The following SHISA6 variants were observed in gnomAD, a reference collection of about 807,000 sequenced individuals.
SHISA6 encodes shisa family member 6, also known as protein shisa-6.
A neutral mutation model predicts 47.9 loss-of-function variants in SHISA6; 22 were observed. The ratio of observed to expected loss-of-function variants is 0.46; its 90% confidence interval spans 0.33 to 0.66. The LOEUF is 0.66. Among genes scored for constraint, SHISA6 ranks in the 30% least tolerant of loss-of-function variants. SHISA6 has a pLI of 0.02. For synonymous variants in SHISA6, 388 were observed against 337.8 expected, an observed-to-expected ratio of 1.15 and a Z score of -1.63; for missense variants, 680 against 764.6, an observed-to-expected ratio of 0.89 and a Z score of 1.30.
chr17:11,423,414 G>A (rs1356868767), intron 3 of SHISA6, among the ~76,000 whole-genome samples: 5 of 151,514 alleles, frequency 3.3e-5, no homozygotes, highest in African/African-American at 1.2e-4. Context: ...AAGAGCTCTC[G>A]CTAACTGCAA....
chr17:11,250,502 T>C (rs552044102), intron 1 of SHISA6, among the ~76,000 whole-genome samples: 1 of 152,304 alleles, frequency 6.6e-6, no homozygotes, highest in African/African-American at 2.4e-5. Flanking sequence ...TGGGGCAGGC[T>C]GAGTGTAAAG....
intron 3 of SHISA6, among the ~76,000 whole-genome samples, chr17:11,517,904 TA>T (rs2071598872): frequency 6.6e-6 from 1 of 152,078 alleles, no homozygotes; most frequent in Non-Finnish European, 1.5e-5. Flanking sequence ...CACTCATTTG[TA>T]GGGTAGAGCT....
chr17:11,496,025 C>T (rs1422566811), intron 3 of SHISA6, among the ~76,000 whole-genome samples: 2 of 152,052 alleles, frequency 1.3e-5, no homozygotes, highest in Non-Finnish European at 2.9e-5. Context: ...ATCCATCCAT[C>T]CATCCATCAC....
intron 3 of SHISA6, among the ~76,000 whole-genome samples, chr17:11,448,151 G>C (rs1915285459): frequency 6.6e-6 from 1 of 152,162 alleles, no homozygotes; most frequent in Non-Finnish European, 1.5e-5. Context: ...TAACATCTAT[G>C]GAGTATCTCC....
intron 2 of SHISA6, among the ~76,000 whole-genome samples, chr17:11,278,117 C>T (rs1013849243): frequency 1.3e-5 from 2 of 152,200 alleles, no homozygotes; most frequent in African/African-American, 4.8e-5. Flanking sequence ...GCTGCTGTGG[C>T]TGTCCTCTGT....
chr17:11,270,917 T>C lies in SHISA6; in HGVS notation c.799+7391T>C, dbSNP rs1908619759. Among the ~76,000 whole-genome samples, 3 of 152,190 alleles carry C rather than the reference T, an allele frequency of 2.0e-5. No individual in the cohort carries two copies. The South Asian group carries it at 6.2e-4, about 32-fold the overall frequency. ...TGTCAGGTCCCATTCCCCTCTTTCCTTCCCTGAGGCTGTAGCCAAGGTATT... is the reference window on the plus strand; with the variant it reads ...TGTCAGGTCCCATTCCCCTCTTTCCCTCCCTGAGGCTGTAGCCAAGGTATT... On this transcript the variant is annotated intron_variant, in intron 2 of 5. Coordinates refer to ENST00000441885, the MANE Select transcript of SHISA6 (RefSeq NM_207386.4).
chr17:11,375,185 T>C (rs1293384520), intron 2 of SHISA6, among the ~76,000 whole-genome samples: 2 of 152,188 alleles, frequency 1.3e-5, no homozygotes, highest in Non-Finnish European at 2.9e-5. Flanking sequence ...ACTAAAGTCT[T>C]CCAATCTGTT....
At chr17:11,388,790 TTATATATATATATATATATATATATATA>T (rs56048344) in intron 3 of SHISA6, among the ~76,000 whole-genome samples, 58 of 50,022 alleles carry the variant, frequency 1.2e-3, no homozygotes, top group African/African-American at 2.2e-3. Context: ...AAACAAAAGT[TTATATATATATATATATATATATATATA>T]TATATATATA....
At chr17:11,533,027 G>A (rs1341102235) in intron 3 of SHISA6, among the ~76,000 whole-genome samples, 1 of 152,144 alleles carries the variant, frequency 6.6e-6, no homozygotes, top group African/African-American at 2.4e-5. Context: ...TTGCTGCTGA[G>A]CTGTGCCTGT....
chr17:11,513,721 T>A (rs1246515071), intron 3 of SHISA6, among the ~76,000 whole-genome samples: 1 of 152,194 alleles, frequency 6.6e-6, no homozygotes, highest in African/African-American at 2.4e-5. Flanking sequence ...TCTGAACTCA[T>A]TCCCTTCACA....
At chr17:11,520,902 A>G (rs1452379546) in intron 3 of SHISA6, among the ~76,000 whole-genome samples, 2 of 152,318 alleles carry the variant, frequency 1.3e-5, no homozygotes, top group East Asian at 1.9e-4. Flanking sequence ...ATTATTGCCT[A>G]TCTCTTCCAA....
At chr17:11,438,571 A>G (rs976173219) in intron 3 of SHISA6, among the ~76,000 whole-genome samples, 10 of 152,140 alleles carry the variant, frequency 6.6e-5, no homozygotes, top group Non-Finnish European at 1.3e-4. Flanking sequence ...GAAAGAGAGC[A>G]CACCAGCTCT....
chr17:11,339,208 CT>C (rs1377651523), intron 2 of SHISA6, among the ~76,000 whole-genome samples: 2 of 151,302 alleles, frequency 1.3e-5, no homozygotes, highest in African/African-American at 2.4e-5. Context: ...TAAATTGCCC[CT>C]GGCCTGTTAT....
At chr17:11,354,756 T>C (rs1365193486) in intron 2 of SHISA6, among the ~76,000 whole-genome samples, 3 of 152,038 alleles carry the variant, frequency 2.0e-5, no homozygotes, top group Non-Finnish European at 4.4e-5. Flanking sequence ...CCCCACCCCC[T>C]ATCCTCAGTC....
At chr17:11,414,043 T>C (rs1454050993) in intron 3 of SHISA6, among the ~76,000 whole-genome samples, 1 of 151,712 alleles carries the variant, frequency 6.6e-6, no homozygotes, top group Non-Finnish European at 1.5e-5. Context: ...TTCTCCTCTC[T>C]CCTTCTCCTC....
chr17:11,285,252 C>G (rs1909254736), intron 2 of SHISA6, among the ~76,000 whole-genome samples: 1 of 152,198 alleles, frequency 6.6e-6, no homozygotes, highest in Non-Finnish European at 1.5e-5. Flanking sequence ...ATTAGGTTTG[C>G]ACATCCCATT....
intron 3 of SHISA6, among the ~76,000 whole-genome samples, chr17:11,491,770 G>GT (rs1297841489): frequency 0.035 from 4,684 of 135,124 alleles, 327 homozygotes; most frequent in African/African-American, 0.12. Flanking sequence ...CTGGTGAAGT[G>GT]TTTTTTTTTT....
At chr17:11,508,703 T>G (rs1278934890) in intron 3 of SHISA6, among the ~76,000 whole-genome samples, 2 of 138,524 alleles carry the variant, frequency 1.4e-5, no homozygotes, top group African/African-American at 5.4e-5. Flanking sequence ...CTTCCTTGGC[T>G]ATACAATTTT....
At chr17:11,322,265 A>G (rs898180498) in intron 2 of SHISA6, among the ~76,000 whole-genome samples, 1 of 152,170 alleles carries the variant, frequency 6.6e-6, no homozygotes, top group Non-Finnish European at 1.5e-5. Context: ...AACGTAAAAA[A>G]GAAAAAAAGA....
Sources: allele counts gnomAD v4.1 joint callset (sites outside exome capture counted in the v4.1 genomes callset), GRCh38; gene constraint gnomAD v4.1.1; transcripts MANE v1.5; gene names NCBI Gene and HGNC (gene_info 2026-07-23, HGNC 2026-07-21).